HAPLN1: variants seen among roughly 807,000 people sequenced by gnomAD.
HAPLN1 encodes the protein Cartilage link protein.
Under a neutral mutation model 36.5 loss-of-function variants are expected in HAPLN1, and 13 were observed. The ratio of observed to expected loss-of-function variants is 0.36; its 90% CI spans 0.23 to 0.57. The LOEUF is 0.57. Ranked by LOEUF, HAPLN1 falls within the 20% of genes least tolerant of loss-of-function variation. The pLI, the probability that HAPLN1 is intolerant of heterozygous loss-of-function variation, is 0.83. For missense variants in HAPLN1, 407 were observed against 439.7 expected, an observed-to-expected ratio of 0.93 and a Z score of 0.66; for synonymous variants, 202 against 169.8, an observed-to-expected ratio of 1.19 and a Z score of -1.48.
chr5:83,715,517 T>G (rs1751897944), intron 1 of HAPLN1, among the ~76,000 whole-genome samples: 1 of 152,212 alleles, frequency 6.6e-6, no homozygotes, highest in Admixed American at 6.5e-5. Flanking sequence ...GTTTGTGAAC[T>G]CCTTGAGCCA....
intron 1 of HAPLN1, among the ~76,000 whole-genome samples, chr5:83,711,938 C>T (rs920693439): frequency 6.6e-6 from 1 of 152,166 alleles, no homozygotes; most frequent in South Asian, 2.1e-4. Flanking sequence ...CTAAATTTAT[C>T]CATAAAACAA....
At chr5:83,672,812 G>A (rs995384473) in intron 2 of HAPLN1, among the ~76,000 whole-genome samples, 19 of 152,128 alleles carry the variant, frequency 1.2e-4, no homozygotes, top group African/African-American at 4.3e-4. Flanking sequence ...CTTAATGCAG[G>A]ATGTCCCTCA....
chr5:83,662,405 C>T (rs941384270), intron 2 of HAPLN1, among the ~76,000 whole-genome samples: 3 of 152,102 alleles, frequency 2.0e-5, no homozygotes, highest in African/African-American at 7.2e-5. Context: ...GTTGTCTGCT[C>T]TGGTTAATAA....
intron 1 of HAPLN1, among the ~76,000 whole-genome samples, chr5:83,699,325 C>T (rs1751456097): frequency 1.3e-5 from 2 of 152,300 alleles, no homozygotes; most frequent in South Asian, 4.1e-4. Flanking sequence ...AGTGGCTGCT[C>T]ACCCTGAATG....
At chr5:83,672,240 A>C (rs993665349) in intron 2 of HAPLN1, among the ~76,000 whole-genome samples, 2 of 152,220 alleles carry the variant, frequency 1.3e-5, no homozygotes, top group Non-Finnish European at 2.9e-5. Context: ...TTCTGTCACT[A>C]GAATTCTGTC....
At chr5:83,713,009 A>AATT (rs1695651096) in intron 1 of HAPLN1, among the ~76,000 whole-genome samples, 3 of 152,162 alleles carry the variant, frequency 2.0e-5, no homozygotes, top group Admixed American at 2.0e-4. Flanking sequence ...AATAGACTTG[A>AATT]ATTAGTCTGC....
intron 1 of HAPLN1, among the ~76,000 whole-genome samples, chr5:83,716,703 C>T (rs563784784): frequency 6.6e-5 from 10 of 152,196 alleles, no homozygotes; most frequent in African/African-American, 1.7e-4. Context: ...TTAAGTCATC[C>T]GAAATCATTA....
chr5:83,720,191 T>G (rs1037894137), intron 1 of HAPLN1, among the ~76,000 whole-genome samples: 1 of 152,234 alleles, frequency 6.6e-6, no homozygotes, highest in Non-Finnish European at 1.5e-5. Context: ...GCATTCAAAT[T>G]ATCCATCAAC....
At chr5:83,660,447 T>C (rs973779241) in intron 2 of HAPLN1, among the ~76,000 whole-genome samples, 1 of 152,134 alleles carries the variant, frequency 6.6e-6, no homozygotes, top group Admixed American at 6.5e-5. Flanking sequence ...ACCTTTTCCA[T>C]GTAATCTTAT....
chr5:83,655,981 G>C (rs1321384913), intron 2 of HAPLN1, among the ~76,000 whole-genome samples: 1 of 152,138 alleles, frequency 6.6e-6, no homozygotes, highest in Non-Finnish European at 1.5e-5. Flanking sequence ...TCTTGAATCT[G>C]ATAATTGGAT....
rs1169882434 is a variant in HAPLN1, at chr5:83,640,097, T to C, written c.*1399A>G. 2.0e-5 allele frequency: 3 copies of C among 152,158 alleles called. No homozygotes were observed. In the East Asian group the frequency reaches 5.8e-4, roughly 29 times the overall value. The allele number at this position is 152,158 out of a possible 1,614,324, so 9.4% of individuals were successfully genotyped here. ...ACTTGGATTATTATAGTAAATCCCA[T>C]TTATTAGAACTCATTGTGAAACAAT... is the stretch of plus-strand genomic sequence containing the variant. On this transcript the variant is annotated 3_prime_UTR_variant, in exon 5 of 5. Transcript: ENST00000274341.
intron 2 of HAPLN1, among the ~76,000 whole-genome samples, chr5:83,665,393 T>G (rs867839961): frequency 5.3e-5 from 8 of 152,172 alleles, no homozygotes; most frequent in Non-Finnish European, 7.4e-5. Context: ...TCTCTACCCT[T>G]CAGTAACTCT....
chr5:83,668,088 A>G (rs1444473227), intron 2 of HAPLN1, among the ~76,000 whole-genome samples: 3 of 152,242 alleles, frequency 2.0e-5, no homozygotes, highest in African/African-American at 7.2e-5. Context: ...GGATTTATTT[A>G]GCAAACATGT....
rs73769320 is a variant in HAPLN1, at chr5:83,658,030, A to T, written c.101-5206T>A. ...CACTACCCCTTTCCAAAACTTTTTCATCATCCCAAACAGAAAGTTAATTTC... is the reference window on the plus strand; with the variant it reads ...CACTACCCCTTTCCAAAACTTTTTCTTCATCCCAAACAGAAAGTTAATTTC... On this transcript the variant is annotated intron_variant, in intron 2 of 4. Transcript: ENST00000274341. Among the ~76,000 whole-genome samples the T allele has an allele frequency of 1.2e-3, 190 of 152,230 alleles. 1 individual carries two copies. The highest frequency in any genetic ancestry group is 4.4e-3 in the African/African-American group (184 of 41,520).
At chr5:83,642,056 G>T (rs1749718711) in intron 4 of HAPLN1, among the ~76,000 whole-genome samples, 1 of 152,150 alleles carries the variant, frequency 6.6e-6, no homozygotes, top group African/African-American at 2.4e-5. Context: ...GTTTCTGTTA[G>T]CTAATTAGTG....
intron 2 of HAPLN1, among the ~76,000 whole-genome samples, chr5:83,657,363 G>T (rs1411528610): frequency 6.6e-6 from 1 of 152,122 alleles, no homozygotes; most frequent in Admixed American, 6.5e-5. Context: ...CTCCCAAAGT[G>T]CTGGGATTAT....
At chr5:83,644,289 A>C in intron 4 of HAPLN1, 74 bp downstream of exon 4, 1 of 1,132,516 alleles carries the variant, frequency 8.8e-7, no homozygotes, top group Non-Finnish European at 1.2e-6. Flanking sequence ...AGATAAGATT[A>C]AAAGCCAAGT....
At chr5:83,697,732 A>G (rs560310370) in intron 1 of HAPLN1, among the ~76,000 whole-genome samples, 14 of 152,010 alleles carry the variant, frequency 9.2e-5, no homozygotes, top group Non-Finnish European at 1.6e-4. Context: ...TAGCCATCCT[A>G]GTGGGTATGA....
Position 83,652,616 on chromosome 5 carries a change from T to G in HAPLN1, c.309A>C (p.Lys103Asn), listed in dbSNP as rs1461078400. The G allele has an allele frequency of 6.2e-7, 1 of 1,614,166 alleles. No individual in the cohort carries two copies. The highest frequency in any genetic ancestry group is 1.7e-5 in the Admixed American group (1 of 60,024). The change falls in exon 3 of 5, where the codon AAA becomes AAC. Residue 103 changes from lysine (K) to asparagine (N), a missense_variant. Physicochemically the swap from Lys to Asn is moderately conservative, Grantham distance 94 (BLOSUM62 0). Transcript: ENST00000274341. The stretch of plus-strand genomic sequence containing the variant: ...CTCTACCCTGGTAGCCTCCATAGGT[T>G]TTTTTGTGGTATCCCATGGAAACAA... ...DVFVSMGYHK[K>N]TYGGYQGRVF...
Sources: gnomAD v4.1 joint callset for allele counts (sites outside exome capture counted in the v4.1 genomes callset) on GRCh38, gnomAD v4.1.1 for gene constraint, MANE v1.5 for transcripts, NCBI Gene and HGNC (gene_info 2026-07-23, HGNC 2026-07-21) for gene names.